Variants in PLXNA4 observed in about 807,000 individuals in gnomAD.
PLXNA4 encodes plexin A4, also known as plexin-A4.
Under a neutral mutation model 191.8 loss-of-function variants are expected in PLXNA4, and 44 were observed. The observed-to-expected ratio is 0.23, with a 90% CI of 0.18 to 0.29. The LOEUF is 0.29. Among genes scored for constraint, PLXNA4 ranks in the 10% least tolerant of loss-of-function variants. PLXNA4 has a pLI of 1.00. For synonymous variants in PLXNA4, 1,082 were observed against 1,009.5 expected, an observed-to-expected ratio of 1.07 and a Z score of -1.36; for missense variants, 1,800 against 2,488.8, an observed-to-expected ratio of 0.72 and a Z score of 5.89.
intron 3 of PLXNA4, among the ~76,000 whole-genome samples, chr7:132,343,446 G>A (rs1803116902): frequency 6.6e-6 from 1 of 152,160 alleles, no homozygotes; most frequent in South Asian, 2.1e-4. Flanking sequence ...TCTAGTTTCT[G>A]TCTGGAAAGT....
intron 1 of PLXNA4, among the ~76,000 whole-genome samples, chr7:132,543,338 T>G (rs776566354): frequency 5.3e-5 from 8 of 152,350 alleles, no homozygotes; most frequent in Middle Eastern, 6.8e-3. Context: ...AATGCCCTGA[T>G]GCTGTCAAAT....
At chr7:132,247,361 C>T (rs1799095506) in intron 4 of PLXNA4, among the ~76,000 whole-genome samples, 1 of 151,862 alleles carries the variant, frequency 6.6e-6, no homozygotes, top group Non-Finnish European at 1.5e-5. Flanking sequence ...TTTAAATGTC[C>T]AAAAGGTTTC....
intron 2 of PLXNA4, among the ~76,000 whole-genome samples, chr7:132,615,803 G>GCA (rs113683607): frequency 6.6e-5 from 10 of 151,716 alleles, no homozygotes; most frequent in African/African-American, 1.9e-4. Context: ...TCATGCACAT[G>GCA]CACACACACA....
chr7:132,280,322 G>A (rs1240951927), intron 4 of PLXNA4, among the ~76,000 whole-genome samples: 3 of 152,174 alleles, frequency 2.0e-5, no homozygotes, highest in African/African-American at 7.2e-5. Context: ...AAAAAATAGT[G>A]GAAGGGATAA....
intron 4 of PLXNA4, among the ~76,000 whole-genome samples, chr7:132,258,417 C>A (rs747670187): frequency 6.6e-6 from 1 of 152,196 alleles, no homozygotes; most frequent in Non-Finnish European, 1.5e-5. Context: ...TACTTCAGCA[C>A]GAATGGGCTG....
intron 3 of PLXNA4, among the ~76,000 whole-genome samples, chr7:132,389,162 C>A (rs1585069019): frequency 1.3e-5 from 2 of 152,080 alleles, no homozygotes; most frequent in South Asian, 4.1e-4. Context: ...ATTCTGGATA[C>A]TAGCCCTTTG....
intron 29 of PLXNA4, among the ~76,000 whole-genome samples, chr7:132,143,371 C>T (rs1795325834): frequency 6.6e-6 from 1 of 152,154 alleles, no homozygotes; most frequent in African/African-American, 2.4e-5. Flanking sequence ...ACTCCAAGGA[C>T]ATTATGGCAC....
intron 3 of PLXNA4, among the ~76,000 whole-genome samples, chr7:132,454,303 C>A (rs1456047382): frequency 1.3e-5 from 2 of 152,170 alleles, no homozygotes; most frequent in Admixed American, 1.3e-4. Flanking sequence ...TCTCAAAGTT[C>A]TTGTTCCTGC....
intron 3 of PLXNA4, among the ~76,000 whole-genome samples, chr7:132,307,861 C>T (rs887324583): frequency 1.3e-5 from 2 of 152,138 alleles, no homozygotes; most frequent in African/African-American, 4.8e-5. Flanking sequence ...AGAGTGTAAA[C>T]AATAATTAAT....
intron 3 of PLXNA4, among the ~76,000 whole-genome samples, chr7:132,459,691 G>C (rs559866278): frequency 2.0e-5 from 3 of 152,312 alleles, no homozygotes; most frequent in South Asian, 2.1e-4. Context: ...CAGACCAGAA[G>C]AGAAATCTGT....
At chr7:132,576,987 C>G (rs1157638823), upstream of PLXNA4, 1 of 145,864 alleles carries the variant, frequency 6.9e-6, no homozygotes, top group Non-Finnish European at 1.5e-5. This position sits in a 1 kb window ranked among gnomAD's most constrained non-coding sequence, Gnocchi z 5.8. Flanking sequence ...CCCCCGGCAG[C>G]CCGCGGCCGG....
intron 2 of PLXNA4, among the ~76,000 whole-genome samples, chr7:132,593,076 G>T (rs7781482): frequency 2.6e-5 from 4 of 152,038 alleles, no homozygotes; most frequent in Admixed American, 1.3e-4. Flanking sequence ...ATAAACCAGA[G>T]GTGGACTAAT....
At chr7:132,424,547 C>T (rs889235641) in intron 3 of PLXNA4, among the ~76,000 whole-genome samples, 4 of 152,144 alleles carry the variant, frequency 2.6e-5, no homozygotes, top group African/African-American at 9.7e-5. Context: ...GGCCAGCATT[C>T]CTTTCCCAGC....
chr7:132,497,557 G>A (rs185089854), intron 2 of PLXNA4, among the ~76,000 whole-genome samples: 2 of 152,306 alleles, frequency 1.3e-5, no homozygotes, highest in East Asian at 3.9e-4. Context: ...ATGTGCTTGA[G>A]TGATGATTCT....
intron 3 of PLXNA4, among the ~76,000 whole-genome samples, chr7:132,442,572 TTTC>T (rs1237805599): frequency 6.6e-6 from 1 of 152,194 alleles, no homozygotes; most frequent in African/African-American, 2.4e-5. Flanking sequence ...TTCTGTTCTT[TTTC>T]TTTTTTCTTT....
intron 24 of PLXNA4, among the ~76,000 whole-genome samples, chr7:132,163,462 A>G (rs1307648269): frequency 6.6e-6 from 1 of 152,240 alleles, no homozygotes; most frequent in African/African-American, 2.4e-5. Context: ...CAGAGAGATT[A>G]GGAACCTGCC....
At chr7:132,570,310 A>C (rs914817311) in intron 1 of PLXNA4, among the ~76,000 whole-genome samples, 4 of 152,184 alleles carry the variant, frequency 2.6e-5, no homozygotes, top group African/African-American at 9.7e-5. Flanking sequence ...ATTAGCTGAC[A>C]TTCCAGGCAG....
chr7:132,584,929 A>AC (rs1445456126), intron 2 of PLXNA4, among the ~76,000 whole-genome samples: 1 of 151,622 alleles, frequency 6.6e-6, no homozygotes, highest in Non-Finnish European at 1.5e-5. Context: ...CCACTCCTCC[A>AC]CCCCATCTGT....
At chr7:132,515,584 A>G (rs1352771002) in intron 1 of PLXNA4, among the ~76,000 whole-genome samples, 1 of 152,174 alleles carries the variant, frequency 6.6e-6, no homozygotes, top group Non-Finnish European at 1.5e-5. Flanking sequence ...GAGATAAACT[A>G]TGGTTTTACA....
Sources: gnomAD v4.1 joint callset for allele counts (sites outside exome capture counted in the v4.1 genomes callset) on GRCh38, gnomAD v4.1.1 for gene constraint, Gnocchi (gnomAD v3.1) non-coding constraint, MANE v1.5 for transcripts, NCBI Gene and HGNC (gene_info 2026-07-23, HGNC 2026-07-21) for gene names.